Variants in SUGCT observed in about 807,000 individuals in gnomAD.
The protein encoded by SUGCT is succinyl-CoA:glutarate CoA-transferase.
Under a neutral mutation model 55.0 loss-of-function variants are expected in SUGCT, and 41 were observed. The ratio of observed to expected loss-of-function variants is 0.74; its 90% CI spans 0.58 to 0.97. SUGCT has a LOEUF of 0.97. SUGCT is among the 50% of genes least tolerant of loss of function. The probability of loss-of-function intolerance (pLI) is 0.00; values close to 1 mark genes in which losing one functional copy is unlikely to be tolerated. For synonymous variants in SUGCT, 187 were observed against 200.4 expected (o/e 0.93, Z 0.56); for missense variants, 568 against 547.8 (o/e 1.04, Z -0.37).
At chr7:40,710,506 C>G (rs768049883) in intron 12 of SUGCT, among the ~76,000 whole-genome samples, 1 of 151,966 alleles carries the variant, frequency 6.6e-6, no homozygotes, top group African/African-American at 2.4e-5. Context: ...AGTTTTTCAT[C>G]CACTTCCTCC....
intron 13 of SUGCT, among the ~76,000 whole-genome samples, chr7:40,798,124 C>G (rs1790636236): frequency 1.3e-5 from 2 of 152,188 alleles, no homozygotes; most frequent in Non-Finnish European, 2.9e-5. Context: ...CTTCCTTACT[C>G]TTCTGCATAT....
chr7:40,750,653 TAAG>T (rs906154697), intron 13 of SUGCT, among the ~76,000 whole-genome samples: 1 of 151,888 alleles, frequency 6.6e-6, no homozygotes, highest in African/African-American at 2.4e-5. Context: ...ATGAAAAGAG[TAAG>T]AAGAGGGAAG....
chr7:40,272,079 C>G (rs1792065019), intron 7 of SUGCT, among the ~76,000 whole-genome samples: 1 of 104,434 alleles, frequency 9.6e-6, no homozygotes, highest in Non-Finnish European at 2.1e-5. Context: ...CTCTCTCTCT[C>G]TCTCTCTCTC....
chr7:40,648,180 T>C (rs1415035312), intron 12 of SUGCT, among the ~76,000 whole-genome samples: 2 of 152,220 alleles, frequency 1.3e-5, no homozygotes, highest in Non-Finnish European at 2.9e-5. Flanking sequence ...TCAATGATGA[T>C]TAATATTTCA....
chr7:41,002,641 A>G, the SUGCT span, among the ~76,000 whole-genome samples: 2 of 152,158 alleles, frequency 1.3e-5, no homozygotes, highest in East Asian at 1.9e-4. Flanking sequence ...TTTGTCCAGC[A>G]ATGTTTAGCT....
At chr7:40,820,690 A>G (rs1305368831) in intron 13 of SUGCT, among the ~76,000 whole-genome samples, 2 of 152,158 alleles carry the variant, frequency 1.3e-5, no homozygotes, top group African/African-American at 2.4e-5. Context: ...TTTTCTAAAT[A>G]TACAATCATG....
chr7:40,427,608 G>A (rs917157402), intron 9 of SUGCT, among the ~76,000 whole-genome samples: 19 of 152,084 alleles, frequency 1.2e-4, no homozygotes, highest in Non-Finnish European at 2.2e-4. Context: ...GTTCCACCTC[G>A]GTTTTTATTT....
chr7:40,948,046 T>C, the SUGCT span, among the ~76,000 whole-genome samples: 1 of 152,198 alleles, frequency 6.6e-6, no homozygotes, highest in African/African-American at 2.4e-5. Flanking sequence ...TAACTAATGC[T>C]TTTATACTCT....
chr7:40,747,716 T>C (rs1210577723), intron 12 of SUGCT, among the ~76,000 whole-genome samples: 2 of 152,224 alleles, frequency 1.3e-5, no homozygotes, highest in Non-Finnish European at 2.9e-5. Flanking sequence ...TGCCCATAAA[T>C]GTCTTACTAA....
At chr7:40,439,740 G>A (rs1191453402) in intron 9 of SUGCT, among the ~76,000 whole-genome samples, 1 of 152,146 alleles carries the variant, frequency 6.6e-6, no homozygotes, top group Non-Finnish European at 1.5e-5. Context: ...TCCTCGACAT[G>A]GGAACTCCAT....
At chr7:40,589,250 A>C (rs1289821787) in intron 12 of SUGCT, among the ~76,000 whole-genome samples, 1 of 152,024 alleles carries the variant, frequency 6.6e-6, no homozygotes, top group Non-Finnish European at 1.5e-5. Flanking sequence ...TTCCACTTTA[A>C]AATATTATCT....
At chr7:40,534,823 G>T (rs1488783462) in intron 12 of SUGCT, among the ~76,000 whole-genome samples, 1 of 152,106 alleles carries the variant, frequency 6.6e-6, no homozygotes, top group Non-Finnish European at 1.5e-5. Flanking sequence ...ATGCTTTCAA[G>T]AAATAAAATG....
chr7:40,756,128 G>A (rs1788241404), intron 13 of SUGCT, among the ~76,000 whole-genome samples: 1 of 152,100 alleles, frequency 6.6e-6, no homozygotes, highest in Non-Finnish European at 1.5e-5. Context: ...TGTTTTGCAA[G>A]ATGTTTTGTA....
At chr7:40,321,632 C>T (rs113856815) in intron 9 of SUGCT, among the ~76,000 whole-genome samples, 2 of 152,204 alleles carry the variant, frequency 1.3e-5, no homozygotes, top group African/African-American at 4.8e-5. Flanking sequence ...ATCCACCCAC[C>T]TTGGCCTCCC....
At chr7:41,029,192 G>T in the SUGCT span, among the ~76,000 whole-genome samples, 1 of 152,170 alleles carries the variant, frequency 6.6e-6, no homozygotes, top group East Asian at 1.9e-4. Context: ...GTCATCTGCA[G>T]ACTCCATGAC....
At chr7:40,383,430 A>G (rs1335904750) in intron 9 of SUGCT, among the ~76,000 whole-genome samples, 1 of 152,216 alleles carries the variant, frequency 6.6e-6, no homozygotes, top group Non-Finnish European at 1.5e-5. Flanking sequence ...ACATCAGAAC[A>G]AAAACGGACT....
At chr7:40,362,567 G>A (rs1047772882) in intron 9 of SUGCT, among the ~76,000 whole-genome samples, 1 of 152,058 alleles carries the variant, frequency 6.6e-6, no homozygotes, top group African/African-American at 2.4e-5. Flanking sequence ...AAAGATATAG[G>A]TATACATAGT....
intron 12 of SUGCT, among the ~76,000 whole-genome samples, chr7:40,559,802 A>T (rs910638048): frequency 1.4e-4 from 21 of 152,258 alleles, no homozygotes; most frequent in African/African-American, 5.1e-4. Context: ...TGCAATAGCA[A>T]CAAAAGGCCA....
chr7:40,745,048 C>A (rs1207169344), intron 12 of SUGCT, among the ~76,000 whole-genome samples: 3 of 152,208 alleles, frequency 2.0e-5, no homozygotes, highest in African/African-American at 7.2e-5. Context: ...AATGCAGGTT[C>A]ATTCATCTTT....
Sources: gnomAD v4.1 joint callset for allele counts (sites outside exome capture counted in the v4.1 genomes callset) on GRCh38, gnomAD v4.1.1 for gene constraint, MANE v1.5 for transcripts, NCBI Gene and HGNC (gene_info 2026-07-23, HGNC 2026-07-21) for gene names.